KIAA0586: variants seen among roughly 807,000 people sequenced by gnomAD.
KIAA0586 encodes the protein protein TALPID3.
In KIAA0586, 144 loss-of-function variants were observed where a neutral mutation model predicts 169.8. The ratio of observed to expected loss-of-function variants is 0.85; its 90% CI spans 0.74 to 0.97. KIAA0586 has a LOEUF of 0.97. Among genes scored for constraint, KIAA0586 ranks in the 50% least tolerant of loss-of-function variants. The pLI is 0.00. For missense variants in KIAA0586, 1,854 were observed against 1,823.0 expected, an observed-to-expected ratio of 1.02 and a Z score of -0.31; for synonymous variants, 625 against 612.4, an observed-to-expected ratio of 1.02 and a Z score of -0.30.
chr14:58,531,707 C>G (rs2045979324), intron 29 of KIAA0586, among the ~76,000 whole-genome samples: 1 of 152,192 alleles, frequency 6.6e-6, no homozygotes, highest in Non-Finnish European at 1.5e-5. Flanking sequence ...GATTATAAAT[C>G]ATTCTGCTAT....
Position 58,432,628 on chromosome 14 carries a change from GTTA to G in KIAA0586, c.410+179_410+181del, listed in dbSNP as rs1006192255. The stretch of plus-strand genomic sequence containing the variant: ...ATAAAATACTCAGTAGCAGTTAGCA[GTTA>G]TTATTATGGAAGTGCTATAGTATTA... On this transcript the variant is annotated intron_variant, in intron 4 of 30. Transcript: ENST00000652326. Among the ~76,000 whole-genome samples, 10 of 152,180 alleles carry G rather than the reference GTTA, an allele frequency of 6.6e-5. No homozygotes were observed. In the East Asian group the frequency reaches 7.7e-4, roughly 12 times the overall value.
intron 19 of KIAA0586, among the ~76,000 whole-genome samples, chr14:58,476,522 A>G (rs1007411109): frequency 1.3e-5 from 2 of 152,144 alleles, no homozygotes; most frequent in Admixed American, 1.3e-4. Flanking sequence ...ATGATATGCC[A>G]GATAGTCATT....
chr14:58,442,722 G>T lies in KIAA0586; in HGVS notation c.427G>T (p.Val143Phe). Residue 143 changes from valine to phenylalanine, a missense_variant, in exon 5 of 31, where the codon GTT becomes TTT. Val to Phe is a conservative substitution (Grantham distance 50, BLOSUM62 -1). Coordinates refer to ENST00000652326, the MANE Select transcript of KIAA0586 (RefSeq NM_001329943.3). The stretch of plus-strand genomic sequence containing the variant: ...TATTTATAGAGCTCAAAGCATGCCT[G>T]TTTTTAAGGAAGTAAAGGTACATCT... Reference protein sequence around the residue: ...VLKQKAQSMPVFKEVKVHLLE... With the variant: ...VLKQKAQSMPFFKEVKVHLLE... 1 of 1,571,850 alleles carries T rather than the reference G, an allele frequency of 6.4e-7. No homozygotes were observed. Among genetic ancestry groups the T allele is most frequent in the East Asian group, 2.3e-5 (1 of 43,328 alleles).
intron 29 of KIAA0586, among the ~76,000 whole-genome samples, chr14:58,529,056 A>G (rs2045785696): frequency 6.6e-6 from 1 of 152,212 alleles, no homozygotes; most frequent in South Asian, 2.1e-4. Context: ...ACAAACCACC[A>G]TCAGAGAATA....
intron 9 of KIAA0586, 147 bp from the exon 10 acceptor site, chr14:58,456,555 C>A: frequency 1.9e-6 from 1 of 526,718 alleles, no homozygotes. Flanking sequence ...TGATTAATTC[C>A]ATAGTTCAAT....
chr14:58,561,327 G>A, the KIAA0586 span, among the ~76,000 whole-genome samples: 15 of 152,074 alleles, frequency 9.9e-5, no homozygotes, highest in African/African-American at 1.4e-4. Context: ...CCAAAGCAGC[G>A]ATGAAGATTT....
rs191953771 is a variant in KIAA0586 at position 58,471,286 on chromosome 14, T to A, written c.2553+563T>A. Among the ~76,000 whole-genome samples the A allele has an allele frequency of 5.8e-3, 883 of 152,356 alleles. 8 individuals carry two copies. Among genetic ancestry groups the A allele is most frequent in the Non-Finnish European group, 9.7e-3 (657 of 68,032 alleles). ...TGAAACTCTCATGTGAAGAAAGAATTTCTGTCACTTTGGTGATGAATCTTT... is the reference window on the plus strand; with the variant it reads ...TGAAACTCTCATGTGAAGAAAGAATATCTGTCACTTTGGTGATGAATCTTT... On this transcript the variant is annotated intron_variant, in intron 17 of 30. Coordinates refer to ENST00000652326, the MANE Select transcript of KIAA0586 (RefSeq NM_001329943.3).
intron 29 of KIAA0586, among the ~76,000 whole-genome samples, chr14:58,526,079 A>G (rs1172902414): frequency 6.6e-6 from 1 of 151,476 alleles, no homozygotes; most frequent in African/African-American, 2.4e-5. Context: ...TATAGATAAA[A>G]CTCCCATCTC....
Position 58,428,421 on chromosome 14 carries a change from C to T in KIAA0586, c.157C>T (p.Leu53Phe). 6.2e-7 allele frequency: 1 copy of T among 1,613,978 alleles called. No homozygotes were observed. Among genetic ancestry groups the T allele is most frequent in the Non-Finnish European group, 8.5e-7 (1 of 1,179,864 alleles). Residue 53 changes from leucine (L) to phenylalanine (F), a missense_variant, in exon 1 of 31, where the codon CTT (leucine) becomes TTT (phenylalanine). Transcript: ENST00000652326. ...VPPALSANKR[L>F]PVGTGTSLNG... is the part of the protein sequence containing the mutation. The stretch of plus-strand genomic sequence containing the variant: ...TCCGGCATTGTCTGCAAATAAACGT[C>T]TTCCTGTTGGAACGGGGACTAGTTT...
chr14:58,467,849 G>A lies in KIAA0586; in HGVS notation c.2369G>A (p.Gly790Glu). Residue 790 changes from glycine (G) to glutamate (E), a missense_variant, in exon 16 of 31, where the codon GGA becomes GAA. Physicochemically the swap from Gly to Glu is moderately conservative, Grantham distance 98. Transcript: ENST00000652326. ...CCATCATCTCGAAAAGTAGAAACTG[G>A]AGTAAAGAAACCTAACATAGCCATT... Reference protein sequence around the residue: ...IPPSSRKVETGVKKPNIAIVE... With the variant: ...IPPSSRKVETEVKKPNIAIVE... 1 of 1,613,698 alleles carries A rather than the reference G, an allele frequency of 6.2e-7. No homozygotes were observed. Among genetic ancestry groups the A allele is most frequent in the Middle Eastern group, 1.7e-4 (1 of 6,056 alleles).
Position 58,458,535 on chromosome 14 carries a change from C to T in KIAA0586, c.1646C>T (p.Ala549Val), listed in dbSNP as rs2040058673. 6.5e-7 allele frequency: 1 copy of T among 1,529,508 alleles called. No individual in the cohort carries two copies. Among genetic ancestry groups the T allele is most frequent in the African/African-American group, 1.4e-5 (1 of 72,376 alleles). The allele number at this position is 1,529,508 out of a possible 1,614,324, so 94.7% of individuals were successfully genotyped here. Residue 549 changes from alanine to valine, a missense_variant, in exon 12 of 31, where the codon GCA becomes GTA. Coordinates refer to ENST00000652326, the MANE Select transcript of KIAA0586 (RefSeq NM_001329943.3). ...TVDEWIKTISAEIQDELSRTD... is the reference protein window; with the variant it reads ...TVDEWIKTISVEIQDELSRTD... ...GATGAATGGATTAAAACTATTTCTG[C>T]AGAAATTCAGGTATGTCTTGGAAAA...
chr14:58,555,515 C>G (rs773059903), downstream of KIAA0586, among the ~76,000 whole-genome samples: 1 of 152,142 alleles, frequency 6.6e-6, no homozygotes, highest in Non-Finnish European at 1.5e-5. Flanking sequence ...TTTGTAAATT[C>G]TGAAAGGGCT....
intron 27 of KIAA0586, among the ~76,000 whole-genome samples, chr14:58,506,218 G>A (rs941345574): frequency 4.0e-5 from 6 of 151,674 alleles, no homozygotes; most frequent in Non-Finnish European, 5.9e-5. Flanking sequence ...AGAAAAAGGC[G>A]TATCAGAATA....
At chr14:58,510,661 G>C (rs761110267) in intron 28 of KIAA0586, among the ~76,000 whole-genome samples, 2 of 152,102 alleles carry the variant, frequency 1.3e-5, no homozygotes, top group African/African-American at 2.4e-5. Flanking sequence ...TTTACACAAA[G>C]ACATGTACGT....
At chr14:58,490,089 A>T (rs1394154861) in intron 24 of KIAA0586, 75 bp from the exon 25 acceptor site, 2 of 709,726 alleles carry the variant, frequency 2.8e-6, no homozygotes, top group Non-Finnish European at 4.6e-6. Flanking sequence ...CTAATATGCT[A>T]TGGCTTTATG....
At chr14:58,531,889 C>A (rs994256910) in intron 29 of KIAA0586, among the ~76,000 whole-genome samples, 3 of 152,092 alleles carry the variant, frequency 2.0e-5, no homozygotes, top group Non-Finnish European at 4.4e-5. Context: ...TTTGCAGGGA[C>A]ATGGATGAAG....
chr14:58,456,994 T>C (rs540371427), intron 10 of KIAA0586, among the ~76,000 whole-genome samples, 184 bp downstream of exon 10: 3 of 152,244 alleles, frequency 2.0e-5, no homozygotes, highest in African/African-American at 4.8e-5. Flanking sequence ...TTTCTACTTA[T>C]CGCTCCTTGA....
rs1253807820 is a variant in KIAA0586, at chr14:58,488,792, TG to T, written c.3700del (p.Val1234SerfsTer7). On this transcript the variant is annotated frameshift_variant, in exon 24 of 31. Transcript: ENST00000652326. LOFTEE classifies it high-confidence loss of function. ...STLESTLSVT[V>X]TETETLDKPI... is the part of the protein sequence containing the mutation. Reference sequence around the variant, plus strand: ...CACTGGAGAGCACATTGAGTGTTACTGTCACTGAAACTGAAACTTTAGATAA... The same window carrying T: ...CACTGGAGAGCACATTGAGTGTTACTTCACTGAAACTGAAACTTTAGATAA... The T allele has an allele frequency of 1.3e-5, 21 of 1,613,922 alleles. No homozygotes were observed. The highest frequency in any genetic ancestry group is 1.5e-5 in the Non-Finnish European group (18 of 1,179,832).
At chr14:58,471,042 G>A (rs1364434947) in intron 17 of KIAA0586, among the ~76,000 whole-genome samples, 2 of 151,948 alleles carry the variant, frequency 1.3e-5, no homozygotes, top group Non-Finnish European at 2.9e-5. Flanking sequence ...AGTAGAGATG[G>A]GGTTTCACCA....
Sources: allele counts gnomAD v4.1 joint callset (sites outside exome capture counted in the v4.1 genomes callset), GRCh38; gene constraint gnomAD v4.1.1; transcripts MANE v1.5; gene names NCBI Gene and HGNC (gene_info 2026-07-23, HGNC 2026-07-21).